Variants in TMEFF2 observed in about 807,000 individuals in gnomAD.
TMEFF2 encodes the protein tomoregulin-2.
TMEFF2 carries 28 observed loss-of-function variants against 53.8 expected under a neutral mutation model. That is an observed-to-expected ratio of 0.52 (90% confidence interval 0.39 to 0.71). The LOEUF (loss-of-function observed/expected upper bound fraction) is 0.71, where lower values mean the gene tolerates loss of function less well. Among genes scored for constraint, TMEFF2 ranks in the 30% least tolerant of loss-of-function variants. The probability of loss-of-function intolerance (pLI) is 0.00; values close to 1 mark genes in which losing one functional copy is unlikely to be tolerated. For synonymous variants in TMEFF2, 162 were observed against 166.3 expected (o/e 0.97, Z 0.20); for missense variants, 353 against 455.2 (o/e 0.78, Z 2.04).
At chr2:191,984,213 C>T (rs1050102782) in intron 7 of TMEFF2, among the ~76,000 whole-genome samples, 5 of 152,070 alleles carry the variant, frequency 3.3e-5, no homozygotes, top group South Asian at 4.2e-4. Context: ...CCTTTTTATA[C>T]AAGGGATATT....
At chr2:191,954,165 G>A (rs1376183233) in intron 8 of TMEFF2, among the ~76,000 whole-genome samples, 1 of 152,126 alleles carries the variant, frequency 6.6e-6, no homozygotes, top group African/African-American at 2.4e-5. Flanking sequence ...GGGATTACAG[G>A]CGTGAGCCAC....
In TMEFF2 at chr2:192,164,791, G is replaced by T. The variant is rs1235615040; in HGVS notation, c.439+14877C>A. On this transcript the variant is annotated intron_variant, in intron 4 of 9. Transcript: ENST00000272771. ...TTGCTTATTTATTTGCATGGTTCAT[G>T]TCTGTTTTTTCTCTTCTGAATTAAG... is the stretch of plus-strand genomic sequence containing the variant. Among the ~76,000 whole-genome samples the T allele has an allele frequency of 3.3e-5, 5 of 151,536 alleles. No individual in the cohort carries two copies. In the South Asian group the frequency reaches 1.0e-3, roughly 31 times the overall value.
chr2:192,194,341 T>G lies in TMEFF2; in HGVS notation c.172+12A>C. 1 of 1,613,484 alleles carries G rather than the reference T, an allele frequency of 6.2e-7. No individual in the cohort carries two copies. Among genetic ancestry groups the G allele is most frequent in the Non-Finnish European group, 8.5e-7 (1 of 1,179,734 alleles). Reference sequence around the variant, plus strand: ...GGAGTTAAAGGGTCGGGGACGGGGGTTCTGGACTTACCAGAGCAATTCCAG... The same window carrying G: ...GGAGTTAAAGGGTCGGGGACGGGGGGTCTGGACTTACCAGAGCAATTCCAG... On this transcript the variant is annotated intron_variant, in intron 1 of 9. Coordinates refer to ENST00000272771, the MANE Select transcript of TMEFF2 (RefSeq NM_016192.4). The surrounding 1 kb of genome is among the most constrained non-coding windows in gnomAD (Gnocchi z 4.2).
At chr2:192,115,580 C>T (rs1387206331) in intron 4 of TMEFF2, among the ~76,000 whole-genome samples, 2 of 151,858 alleles carry the variant, frequency 1.3e-5, no homozygotes, top group South Asian at 2.1e-4. Flanking sequence ...TTGCCAGCCA[C>T]GTATATGAGA....
At chr2:192,026,620 C>G (rs576211568) in intron 5 of TMEFF2, among the ~76,000 whole-genome samples, 1 of 152,192 alleles carries the variant, frequency 6.6e-6, no homozygotes, top group Admixed American at 6.5e-5. Flanking sequence ...TTTTAAAACA[C>G]TGTATTATCT....
chr2:191,992,289 C>T (rs954527349), intron 7 of TMEFF2, among the ~76,000 whole-genome samples: 5 of 152,012 alleles, frequency 3.3e-5, no homozygotes, highest in Middle Eastern at 3.2e-3. Context: ...GTGAAGTGCT[C>T]CTTGTGTTCA....
At chr2:192,041,807 A>T (rs1687489000) in intron 5 of TMEFF2, among the ~76,000 whole-genome samples, 1 of 152,198 alleles carries the variant, frequency 6.6e-6, no homozygotes, top group African/African-American at 2.4e-5. Context: ...AAGGAGAGAG[A>T]TGGGGGATCA....
chr2:191,971,040 C>A (rs1692625315), intron 7 of TMEFF2, among the ~76,000 whole-genome samples: 1 of 151,852 alleles, frequency 6.6e-6, no homozygotes, highest in African/African-American at 2.4e-5. Context: ...TTTTTCTTCC[C>A]AGTTTTGAAC....
chr2:192,141,480 G>C (rs116382794), intron 4 of TMEFF2, among the ~76,000 whole-genome samples: 3,334 of 134,288 alleles, frequency 0.025, 106 homozygotes, highest in African/African-American at 0.074. Context: ...AAAAAAAAAA[G>C]AAGTGTAGAA....
chr2:192,106,965 G>T (rs1689164397), intron 4 of TMEFF2, among the ~76,000 whole-genome samples: 1 of 151,700 alleles, frequency 6.6e-6, no homozygotes. Context: ...AAAGAGTTAG[G>T]CATGTCTATT....
intron 7 of TMEFF2, among the ~76,000 whole-genome samples, chr2:191,982,501 A>C (rs1394082662): frequency 5.6e-5 from 2 of 35,662 alleles, no homozygotes; most frequent in Non-Finnish European, 1.2e-4. Flanking sequence ...CAATGAAAAC[A>C]GGCAAAAAAA....
intron 5 of TMEFF2, among the ~76,000 whole-genome samples, chr2:192,003,814 T>G (rs1686426397): frequency 6.6e-6 from 1 of 152,158 alleles, no homozygotes; most frequent in African/African-American, 2.4e-5. Flanking sequence ...TAGCATTAAT[T>G]TTTTTCCAGG....
Position 192,194,898 on chromosome 2 carries a change from C to A in TMEFF2, c.-374G>T, listed in dbSNP as rs919285871. On this transcript the variant is annotated 5_prime_UTR_variant, in exon 1 of 10. Transcript: ENST00000272771. This position sits in a 1 kb window ranked among gnomAD's most constrained non-coding sequence, Gnocchi z 4.2. The stretch of plus-strand genomic sequence containing the variant: ...AGAGTCAAGGCGCCCCGCAGCCCGG[C>A]AGCCGCCTCTCGAGCTCTGCCGCCC... 1.8e-5 allele frequency: 4 copies of A among 225,328 alleles called. No homozygotes were observed. In the South Asian group the frequency reaches 2.8e-4, roughly 16 times the overall value. The allele number at this position is 225,328 out of a possible 1,614,324, so 14.0% of individuals were successfully genotyped here. A position where few individuals can be genotyped will look rare whatever the true frequency, so the allele number is the denominator to read the frequency against.
chr2:191,977,744 T>A (rs1367657361), intron 7 of TMEFF2, among the ~76,000 whole-genome samples: 1 of 152,204 alleles, frequency 6.6e-6, no homozygotes, highest in Non-Finnish European at 1.5e-5. Context: ...TTGAAGTGTA[T>A]CTCATCTCTT....
chr2:192,056,028 A>C (rs548423165), intron 5 of TMEFF2, among the ~76,000 whole-genome samples: 3 of 152,252 alleles, frequency 2.0e-5, no homozygotes, highest in Non-Finnish European at 2.9e-5. Flanking sequence ...CCTAAGAACC[A>C]CCATTTGCTC....
chr2:191,983,547 G>A (rs1234554650), intron 7 of TMEFF2, among the ~76,000 whole-genome samples: 3 of 152,136 alleles, frequency 2.0e-5, no homozygotes, highest in Admixed American at 6.5e-5. Flanking sequence ...AAATATGCAA[G>A]TGCTCTTGAT....
chr2:192,039,521 A>C (rs1342626195), intron 5 of TMEFF2, among the ~76,000 whole-genome samples: 1 of 152,220 alleles, frequency 6.6e-6, no homozygotes, highest in Non-Finnish European at 1.5e-5. Context: ...CAACTTATAT[A>C]ACAGCAATTT....
Position 192,188,965 on chromosome 2 carries a change from C to G in TMEFF2, c.282+2915G>C, listed in dbSNP as rs184171629. The stretch of plus-strand genomic sequence containing the variant: ...GTGATGAAATGATATGTACGACAAA[C>G]CCCCGTGACACATGTTTACATATGT... On this transcript the variant is annotated intron_variant, in intron 2 of 9. Transcript: ENST00000272771. Among the ~76,000 whole-genome samples the G allele has an allele frequency of 4.6e-5, 7 of 151,956 alleles. No homozygotes were observed. In the East Asian group the frequency reaches 1.4e-3, roughly 29 times the overall value.
intron 4 of TMEFF2, among the ~76,000 whole-genome samples, chr2:192,162,649 G>T (rs1358575964): frequency 2.0e-5 from 3 of 151,988 alleles, no homozygotes; most frequent in Non-Finnish European, 4.4e-5. Flanking sequence ...CCCACTTCAT[G>T]AATACAGTGA....
Sources: gnomAD v4.1 joint callset for allele counts (sites outside exome capture counted in the v4.1 genomes callset) on GRCh38, gnomAD v4.1.1 for gene constraint, Gnocchi (gnomAD v3.1) non-coding constraint, MANE v1.5 for transcripts, NCBI Gene and HGNC (gene_info 2026-07-23, HGNC 2026-07-21) for gene names.